TEKT5: variants seen among roughly 807,000 people sequenced by gnomAD.
TEKT5 encodes tektin 5, also known as tektin-5.
In TEKT5, 52 loss-of-function variants were observed where a neutral mutation model predicts 48.7. The observed-to-expected ratio is 1.07, with a 90% CI of 0.86 to 1.35. The LOEUF (loss-of-function observed/expected upper bound fraction) is 1.35. TEKT5 is among the 40% of genes most tolerant of loss of function. TEKT5 has a pLI of 0.00. For synonymous variants in TEKT5, 318 were observed against 267.6 expected (o/e 1.19, Z -1.84); for missense variants, 831 against 641.6 (o/e 1.30, Z -3.19).
At chr16:10,638,877 T>C (rs962903698) in intron 5 of TEKT5, among the ~76,000 whole-genome samples, 3 of 152,208 alleles carry the variant, frequency 2.0e-5, no homozygotes, top group Admixed American at 2.0e-4. Context: ...GACTATGATG[T>C]AAAACAAAAA....
chr16:10,681,513 A>G (rs2142307756), intron 4 of TEKT5, among the ~76,000 whole-genome samples: 1 of 152,096 alleles, frequency 6.6e-6, no homozygotes, highest in Non-Finnish European at 1.5e-5. Context: ...AGCCTGGCGA[A>G]GCAAGAATTC....
intron 4 of TEKT5, among the ~76,000 whole-genome samples, chr16:10,677,116 A>G (rs1372199718): frequency 2.0e-5 from 3 of 152,178 alleles, no homozygotes; most frequent in African/African-American, 7.2e-5. Context: ...GCTTGAGCCC[A>G]GGAGTCCGGG....
At chr16:10,683,835 C>T (rs1209449936) in intron 3 of TEKT5, among the ~76,000 whole-genome samples, 2 of 152,314 alleles carry the variant, frequency 1.3e-5, no homozygotes, top group South Asian at 2.1e-4. Context: ...TCAGGCGATC[C>T]GCCTGCCTTG....
chr16:10,650,159 C>T (rs993258228), intron 5 of TEKT5, among the ~76,000 whole-genome samples: 1 of 152,164 alleles, frequency 6.6e-6, no homozygotes, highest in Non-Finnish European at 1.5e-5. Context: ...GCAACCTCCG[C>T]TTCCTGGGTT....
chr16:10,653,161 GC>G (rs1898198246), intron 5 of TEKT5, among the ~76,000 whole-genome samples: 1 of 152,214 alleles, frequency 6.6e-6, no homozygotes, highest in Non-Finnish European at 1.5e-5. Context: ...GCTGGGCAAG[GC>G]TGCTGGGGAT....
At chr16:10,643,991 G>A (rs1224592225) in intron 5 of TEKT5, among the ~76,000 whole-genome samples, 2 of 152,126 alleles carry the variant, frequency 1.3e-5, no homozygotes, top group South Asian at 2.1e-4. Context: ...GCAGTGAACC[G>A]AGGTCGCACC....
At chr16:10,680,225 T>C (rs544136927) in intron 4 of TEKT5, among the ~76,000 whole-genome samples, 1 of 151,944 alleles carries the variant, frequency 6.6e-6, no homozygotes, top group Non-Finnish European at 1.5e-5. Context: ...TCCCCAGGAG[T>C]TGTCATTACC....
intron 4 of TEKT5, among the ~76,000 whole-genome samples, chr16:10,677,106 G>A (rs528098195): frequency 2.7e-4 from 41 of 152,232 alleles, no homozygotes; most frequent in African/African-American, 9.1e-4. Flanking sequence ...TGGGAGGATC[G>A]CTTGAGCCCA....
rs139672134 is a variant in TEKT5 at position 10,627,725 on chromosome 16, G to A, written c.1316C>T (p.Thr439Met). The A allele has an allele frequency of 4.0e-5, 64 of 1,614,194 alleles. 1 individual carries two copies. The highest frequency in any genetic ancestry group is 2.5e-4 in the South Asian group (23 of 91,066). The stretch of plus-strand genomic sequence containing the variant: ...CTTGGTCATGACCAGCAGCTGCAGC[G>A]TGTCCTGTGTCTCCCGCAGCCGCAG... Reference protein sequence around the residue: ...LKLRLRETQDTLQLLVMTKCR... With the variant: ...LKLRLRETQDMLQLLVMTKCR... The change falls in exon 7 of 7, where the codon ACG becomes ATG. Residue 439 changes from threonine to methionine, a missense_variant. Physicochemically the swap from Thr to Met is moderately conservative, Grantham distance 81. Coordinates refer to ENST00000283025, the MANE Select transcript of TEKT5 (RefSeq NM_144674.2).
chr16:10,656,387 G>A (rs1898262948), intron 5 of TEKT5, among the ~76,000 whole-genome samples: 1 of 152,162 alleles, frequency 6.6e-6, no homozygotes, highest in African/African-American at 2.4e-5. Flanking sequence ...GAGTACCTGG[G>A]ACTACAGGCG....
chr16:10,671,270 C>T (rs1898544218), intron 5 of TEKT5, among the ~76,000 whole-genome samples: 1 of 152,196 alleles, frequency 6.6e-6, no homozygotes, highest in African/African-American at 2.4e-5. Flanking sequence ...CTTTCCAAGT[C>T]ATCCCCAGAC....
intron 5 of TEKT5, among the ~76,000 whole-genome samples, chr16:10,657,134 C>CT (rs36075825): frequency 4.2e-3 from 382 of 89,980 alleles, no homozygotes; most frequent in Non-Finnish European, 6.5e-3. Flanking sequence ...TTTTTTTTTT[C>CT]TTTTTTTTGA....
chr16:10,678,631 G>A (rs978313531), intron 4 of TEKT5, among the ~76,000 whole-genome samples: 6 of 152,132 alleles, frequency 3.9e-5, no homozygotes, highest in Admixed American at 6.6e-5. Context: ...GCACAACAAC[G>A]TCCCATCCCA....
chr16:10,679,897 C>CAAATAAATAAATAAATAAGT (rs112690864), intron 4 of TEKT5, among the ~76,000 whole-genome samples: 1 of 150,316 alleles, frequency 6.7e-6, no homozygotes, highest in Non-Finnish European at 1.5e-5. Flanking sequence ...AACTCGGTCT[C>CAAATAAATAAATAAATAAGT]AAATAAATAA....
At chr16:10,679,891 C>T (rs1037391044) in intron 4 of TEKT5, among the ~76,000 whole-genome samples, 2 of 99,636 alleles carry the variant, frequency 2.0e-5, no homozygotes, top group Non-Finnish European at 4.3e-5. Flanking sequence ...GAGCGAAACT[C>T]GGTCTCAAAT....
chr16:10,646,451 C>T (rs1476060299), intron 5 of TEKT5, among the ~76,000 whole-genome samples: 1 of 152,300 alleles, frequency 6.6e-6, no homozygotes, highest in East Asian at 1.9e-4. Context: ...ACACCCAGTC[C>T]CTGCCTTCAA....
At chr16:10,634,133 A>T (rs1342982192) in intron 6 of TEKT5, among the ~76,000 whole-genome samples, 1 of 152,166 alleles carries the variant, frequency 6.6e-6, no homozygotes, top group Non-Finnish European at 1.5e-5. Context: ...GTGCTGTGTG[A>T]CTGGGACAGC....
intron 5 of TEKT5, among the ~76,000 whole-genome samples, chr16:10,638,826 C>G (rs16957486): frequency 0.024 from 3,725 of 152,304 alleles, 162 homozygotes; most frequent in African/African-American, 0.085. Context: ...TTGAAAGATT[C>G]ATCATCAAAA....
chr16:10,627,664 G>A lies in TEKT5; in HGVS notation c.1377C>T (p.Asn459=). ...ACTTCTCCTTGTCGATGCAGAGGGT[G>A]TTGGCCTTGATGGCGAGCTCGTGCT... ...RLEHELAIKA[N]TLCIDKEKCM... is the part of the protein sequence containing the mutation. Residue 459 remains asparagine, a synonymous_variant, in exon 7 of 7, where the codon AAC becomes AAT. Transcript: ENST00000283025. The A allele has an allele frequency of 2.5e-6, 4 of 1,614,212 alleles. No homozygotes were observed. The highest frequency in any genetic ancestry group is 3.4e-6 in the Non-Finnish European group (4 of 1,180,038).
Sources: allele counts gnomAD v4.1 joint callset (sites outside exome capture counted in the v4.1 genomes callset), GRCh38; gene constraint gnomAD v4.1.1; transcripts MANE v1.5; gene names NCBI Gene and HGNC (gene_info 2026-07-23, HGNC 2026-07-21).